Variants in CHL1 observed in about 807,000 individuals in gnomAD.
CHL1 encodes cell adhesion molecule L1 like.
Under a neutral mutation model 141.9 loss-of-function variants are expected in CHL1, and 96 were observed. The observed-to-expected ratio is 0.68, with a 90% CI of 0.57 to 0.80. The LOEUF is 0.80. CHL1 is among the 30% of genes least tolerant of loss of function. The pLI is 0.00. For missense variants in CHL1, 1,820 were observed against 1,457.2 expected, an observed-to-expected ratio of 1.25 and a Z score of -4.05; for synonymous variants, 613 against 502.2, an observed-to-expected ratio of 1.22 and a Z score of -2.95.
chr3:351,632 T>C lies in CHL1; in HGVS notation c.1033+2089T>C, dbSNP rs570788432. The stretch of plus-strand genomic sequence containing the variant: ...ATGTGAGAAAATAGCAATGCTATTG[T>C]ATATTTTGAAAATCTACTCCATTCT... On this transcript the variant is annotated intron_variant, in intron 10 of 27. Coordinates refer to ENST00000256509, the MANE Select transcript of CHL1 (RefSeq NM_006614.4). Among the ~76,000 whole-genome samples the C allele has an allele frequency of 4.2e-4, 64 of 152,286 alleles. 1 individual carries two copies. Among genetic ancestry groups the C allele is most frequent in the Middle Eastern group, 3.4e-3 (1 of 294 alleles).
At chr3:255,231 G>A (rs1054145325) in intron 2 of CHL1, among the ~76,000 whole-genome samples, 4 of 152,214 alleles carry the variant, frequency 2.6e-5, no homozygotes, top group African/African-American at 9.6e-5. Context: ...GAGTTGTTAT[G>A]CAGTTAGTCA....
intron 5 of CHL1, among the ~76,000 whole-genome samples, chr3:339,544 G>A (rs530817169): frequency 3.9e-5 from 6 of 152,296 alleles, no homozygotes; most frequent in African/African-American, 1.4e-4. Flanking sequence ...AATGTATAAA[G>A]AGAACCAAAG....
chr3:228,477 G>A (rs927999834), intron 1 of CHL1, among the ~76,000 whole-genome samples: 12 of 112,172 alleles, frequency 1.1e-4, no homozygotes, highest in Non-Finnish European at 2.1e-4. Flanking sequence ...GTAAATATGT[G>A]TACACACACA....
At position 399,238 on chromosome 3, in the gene CHL1, A is replaced by G. The variant is rs906380304; in HGVS notation, c.3385+90A>G. Reference sequence around the variant, plus strand: ...GAGACAACTTTTTTTAAAAATACACATTCAAGTCAAATTTATATTAGCAAG... The same window carrying G: ...GAGACAACTTTTTTTAAAAATACACGTTCAAGTCAAATTTATATTAGCAAG... On this transcript the variant is annotated intron_variant, in intron 26 of 27. Transcript: ENST00000256509. 54 of 1,024,618 alleles carry G rather than the reference A, an allele frequency of 5.3e-5. 1 individual carries two copies. The highest frequency in any genetic ancestry group is 8.0e-5 in the Non-Finnish European group (53 of 666,618). 63.5% of individuals were successfully genotyped at this position (1,024,618 alleles called of 1,614,324 possible). A position where few individuals can be genotyped will look rare whatever the true frequency, so the allele number is the denominator to read the frequency against.
intron 2 of CHL1, among the ~76,000 whole-genome samples, chr3:279,312 T>TATC (rs1696429312): frequency 6.6e-6 from 1 of 152,198 alleles, no homozygotes. Flanking sequence ...TCTTCTTATA[T>TATC]ATCTTTTTGC....
At chr3:347,938 A>G (rs898879752) in intron 9 of CHL1, among the ~76,000 whole-genome samples, 5 of 152,326 alleles carry the variant, frequency 3.3e-5, no homozygotes, top group African/African-American at 1.2e-4. Context: ...AGATATATAG[A>G]GATTAAAGAG....
chr3:398,247 T>A lies in CHL1; in HGVS notation c.3115T>A (p.Ser1039Thr), dbSNP rs550910339. ...CTTAGGTAAAGGTATCGGGAAGATATCAGGAGTAAATCTTACTCAAAAGAC... is the reference window on the plus strand; with the variant it reads ...CTTAGGTAAAGGTATCGGGAAGATAACAGGAGTAAATCTTACTCAAAAGAC... The part of the protein sequence containing the change: ...GEGSKGIGKI[S>T]GVNLTQKTHP... The change falls in exon 25 of 28, where the codon TCA becomes ACA. Residue 1039 changes from serine (S) to threonine (T), a missense_variant. Physicochemically the swap from Ser to Thr is moderately conservative, Grantham distance 58. Transcript: ENST00000256509. 1 of 1,602,066 alleles carries A rather than the reference T, an allele frequency of 6.2e-7. No individual in the cohort carries two copies. The highest frequency in any genetic ancestry group is 8.5e-7 in the Non-Finnish European group (1 of 1,171,184).
At chr3:281,787 T>A (rs1241942280) in intron 2 of CHL1, among the ~76,000 whole-genome samples, 1 of 152,182 alleles carries the variant, frequency 6.6e-6, no homozygotes, top group Non-Finnish European at 1.5e-5. Context: ...CATGAACTCC[T>A]GGCCTCAAGT....
At chr3:388,898 T>A (rs998176377) in intron 19 of CHL1, among the ~76,000 whole-genome samples, 3 of 152,194 alleles carry the variant, frequency 2.0e-5, no homozygotes, top group African/African-American at 7.2e-5. Flanking sequence ...TCTTTGAAAA[T>A]GAAAAGGCGG....
chr3:257,466 G>T (rs1190966121), intron 2 of CHL1, among the ~76,000 whole-genome samples: 2 of 150,648 alleles, frequency 1.3e-5, no homozygotes, highest in African/African-American at 4.9e-5. Context: ...CAATTCCCCT[G>T]CCTCAGCCTC....
chr3:361,631 G>A, intron 12 of CHL1, 68 bp from the exon 13 acceptor site: 1 of 1,090,444 alleles, frequency 9.2e-7, no homozygotes, highest in Non-Finnish European at 1.4e-6. Context: ...CTAGGACATA[G>A]AAAAATTTAA....
chr3:405,492 T>C lies in CHL1; in HGVS notation c.3459-3T>C. On this transcript the variant is annotated splice_region_variant and splice_polypyrimidine_tract_variant and intron_variant, in intron 27 of 27. Coordinates refer to ENST00000256509, the MANE Select transcript of CHL1 (RefSeq NM_006614.4). ...GAGCTATTTTTGTTTGTTTGTTTTC[T>C]AGTGACAGTGATGAAAAGCCTCTCA... 1 of 1,601,862 alleles carries C rather than the reference T, an allele frequency of 6.2e-7. No individual in the cohort carries two copies. Among genetic ancestry groups the C allele is most frequent in the Non-Finnish European group, 8.5e-7 (1 of 1,169,678 alleles).
intron 2 of CHL1, among the ~76,000 whole-genome samples, chr3:298,195 G>A (rs80341678): frequency 6.6e-6 from 1 of 152,266 alleles, no homozygotes; most frequent in East Asian, 1.9e-4. Flanking sequence ...CATAAAAAAT[G>A]TGTTCTTTCA....
rs1465462059 is a variant in CHL1 at position 340,903 on chromosome 3, T to C, written c.495T>C (p.Tyr165=). Residue 165 remains tyrosine, a synonymous_variant, in exon 6 of 28, where the codon TAT becomes TAC. Transcript: ENST00000256509. ...AAGGCCTCCCACCTTTACACATTTA[T>C]TGGATGAATATTGGTAAGTAATGCT... The part of the protein sequence containing the change: ...PPKGLPPLHI[Y]WMNIELEHIE... The C allele has an allele frequency of 6.2e-7, 1 of 1,612,756 alleles. No homozygotes were observed.
chr3:274,195 T>C (rs1695887910), intron 2 of CHL1, among the ~76,000 whole-genome samples: 1 of 152,162 alleles, frequency 6.6e-6, no homozygotes, highest in African/African-American at 2.4e-5. Context: ...CTCCCAAATC[T>C]CAATTCAATG....
At chr3:288,648 C>G (rs541785965) in intron 2 of CHL1, among the ~76,000 whole-genome samples, 7 of 152,260 alleles carry the variant, frequency 4.6e-5, no homozygotes, top group Admixed American at 3.9e-4. Flanking sequence ...AACCCCCTAC[C>G]TCTACTGGTC....
chr3:251,992 C>T (rs563308227), intron 2 of CHL1, among the ~76,000 whole-genome samples: 1 of 151,994 alleles, frequency 6.6e-6, no homozygotes, highest in East Asian at 1.9e-4. Flanking sequence ...AAATCGAAAT[C>T]CAAGGACTGC....
chr3:249,835 T>C (rs1693519211), intron 2 of CHL1, among the ~76,000 whole-genome samples: 1 of 152,122 alleles, frequency 6.6e-6, no homozygotes, highest in South Asian at 2.1e-4. Flanking sequence ...GTACATACTG[T>C]GAATATAGCC....
chr3:213,094 C>T (rs1215885810), intron 1 of CHL1: 1 of 152,192 alleles, frequency 6.6e-6, no homozygotes, highest in African/African-American at 2.4e-5. Context: ...GTGCCTGCCC[C>T]AGACTCTGGG....
Sources: gnomAD v4.1 joint callset for allele counts (sites outside exome capture counted in the v4.1 genomes callset) on GRCh38, gnomAD v4.1.1 for gene constraint, MANE v1.5 for transcripts, NCBI Gene and HGNC (gene_info 2026-07-23, HGNC 2026-07-21) for gene names.